GALNT9: variants seen among roughly 807,000 people sequenced by gnomAD.
GALNT9 encodes the protein polypeptide N-acetylgalactosaminyltransferase 9.
GALNT9 carries 47 observed loss-of-function variants against 63.1 expected under a neutral mutation model. The ratio of observed to expected loss-of-function variants is 0.75; its 90% CI spans 0.59 to 0.95. The LOEUF (loss-of-function observed/expected upper bound fraction) is 0.95. Ranked by LOEUF, GALNT9 falls within the 40% of genes least tolerant of loss-of-function variation. GALNT9 has a pLI of 0.00. For missense variants in GALNT9, 829 were observed against 874.8 expected (o/e 0.95, Z 0.66); for synonymous variants, 396 against 365.7 (o/e 1.08, Z -0.94).
intron 1 of GALNT9, among the ~76,000 whole-genome samples, chr12:132,321,235 G>T (rs1868779510): frequency 6.6e-6 from 1 of 151,194 alleles, no homozygotes; most frequent in Non-Finnish European, 1.5e-5. Context: ...TGGAGTCGAG[G>T]CCCCTGTCGG....
Position 132,197,938 on chromosome 12 carries a change from C to T in GALNT9, c.1519G>A (p.Gly507Arg), listed in dbSNP as rs777441142. The T allele has an allele frequency of 1.1e-5, 17 of 1,611,166 alleles. No homozygotes were observed. Among genetic ancestry groups the T allele is most frequent in the South Asian group, 5.5e-5 (5 of 90,622 alleles). The change falls in exon 10 of 11, where the codon GGA becomes AGA. Residue 507 changes from glycine (G) to arginine (R), a missense_variant. Transcript: ENST00000328957. ...CCCAGAGGCCCCAGCTGCAGCAGTC[C>T]ATCAGCGCTGTACCGCACCAGCTGG... ...SSQLVRYSAD[G>R]LLQLGPLGST...
chr12:132,201,395 A>AGGCCCCATCCGGCCCCATCC (rs61329617), intron 7 of GALNT9, 134 bp from the exon 8 acceptor site: 5 of 609,112 alleles, frequency 8.2e-6, no homozygotes, highest in Non-Finnish European at 1.5e-5. Context: ...TCAGATGCTG[A>AGGCCCCATCCGGCCCCATCC]GGCCCCATCC....
chr12:132,251,670 C>T lies in GALNT9; in HGVS notation c.960-3643G>A, dbSNP rs181787650. On this transcript the variant is annotated intron_variant, in intron 5 of 10. Transcript: ENST00000328957. ...GGGTCTCCTCCCCGCAGGCCCAGCC[C>T]CCGGCAGACAGGGCTCTGCAAGCTG... Among the ~76,000 whole-genome samples the T allele has an allele frequency of 3.6e-3, 548 of 152,250 alleles. 1 individual carries two copies. Among genetic ancestry groups the T allele is most frequent in the Admixed American group, 5.9e-3 (90 of 15,294 alleles).
At chr12:132,243,662 G>A (rs1555237734) in intron 6 of GALNT9, among the ~76,000 whole-genome samples, 3 of 151,998 alleles carry the variant, frequency 2.0e-5, no homozygotes. Flanking sequence ...TGCCTCTCAG[G>A]CTTTAACCCC....
rs899447381 is a variant in GALNT9 at position 132,196,904 on chromosome 12, C to T, written c.*203G>A. The T allele has an allele frequency of 1.1e-5, 16 of 1,398,062 alleles. No individual in the cohort carries two copies. The highest frequency in any genetic ancestry group is 1.5e-5 in the Non-Finnish European group (16 of 1,078,034). 86.6% of individuals were successfully genotyped at this position (1,398,062 alleles called of 1,614,324 possible). A position where few individuals can be genotyped will look rare whatever the true frequency, so the allele number is the denominator to read the frequency against. ...AGACGCCCTCCCTCGGGTAGAGCCG[C>T]CTGTCCTAGGAGAAGCTGTACTCCA... On this transcript the variant is annotated 3_prime_UTR_variant, in exon 11 of 11. Transcript: ENST00000328957.
intron 1 of GALNT9, among the ~76,000 whole-genome samples, chr12:132,311,181 T>G (rs1252546034): frequency 2.0e-5 from 3 of 152,240 alleles, no homozygotes; most frequent in Admixed American, 2.0e-4. Flanking sequence ...TGAGTGGGCC[T>G]GCAATTTGCT....
At chr12:132,219,996 G>A (rs144951802) in intron 6 of GALNT9, among the ~76,000 whole-genome samples, 8 of 151,028 alleles carry the variant, frequency 5.3e-5, no homozygotes, top group East Asian at 3.9e-4. Context: ...TGACTTCCAC[G>A]TCAGGAGTCA....
At chr12:132,263,828 C>T (rs1241563302) in intron 2 of GALNT9, among the ~76,000 whole-genome samples, 14 of 152,344 alleles carry the variant, frequency 9.2e-5, no homozygotes, top group Middle Eastern at 3.4e-3. Context: ...TACGCCTCCT[C>T]GGAGCAGTGG....
chr12:132,233,549 C>T (rs1404585530), intron 6 of GALNT9, among the ~76,000 whole-genome samples: 9 of 15,354 alleles, frequency 5.9e-4, no homozygotes, highest in African/African-American at 4.3e-3. Context: ...CAGTGTGGAG[C>T]CCCTAGTGCC....
intron 6 of GALNT9, among the ~76,000 whole-genome samples, chr12:132,226,150 CACATACACCCCAT>C (rs1378493558): frequency 6.8e-6 from 1 of 146,090 alleles, no homozygotes; most frequent in Non-Finnish European, 1.5e-5. Context: ...ACACACCCCA[CACATACACCCCAT>C]ACACACCATA....
chr12:132,258,817 CG>C (rs1321030365), intron 4 of GALNT9, among the ~76,000 whole-genome samples: 13 of 152,192 alleles, frequency 8.5e-5, no homozygotes, highest in Non-Finnish European at 1.3e-4. Context: ...CATGGTCTAC[CG>C]CAAGGTGAGA....
intron 7 of GALNT9, among the ~76,000 whole-genome samples, chr12:132,202,925 T>C (rs1415346278): frequency 6.6e-6 from 1 of 152,186 alleles, no homozygotes; most frequent in Non-Finnish European, 1.5e-5. Flanking sequence ...CAGCCACTCA[T>C]AGGCCAAAGC....
At chr12:132,243,538 G>C (rs2136905654) in intron 6 of GALNT9, among the ~76,000 whole-genome samples, 4 of 152,076 alleles carry the variant, frequency 2.6e-5, no homozygotes, top group Admixed American at 6.5e-5. Context: ...GGTGTTGTTG[G>C]TCCTTCCCTC....
Position 132,265,963 on chromosome 12 carries a change from C to T in GALNT9, c.420-3338G>A, listed in dbSNP as rs1879577864. Among the ~76,000 whole-genome samples, 2 of 151,402 alleles carry T rather than the reference C, an allele frequency of 1.3e-5. No homozygotes were observed. Among genetic ancestry groups the T allele is most frequent in the African/African-American group, 4.9e-5 (2 of 40,724 alleles). On this transcript the variant is annotated intron_variant, in intron 2 of 10. Transcript: ENST00000328957. The surrounding 1 kb of genome is among the most constrained non-coding windows in gnomAD (Gnocchi z 5.3). ...CTGTCTGCCTTTACACGCCCGACCT[C>T]GCCGTATTTCATGAACAGGCACGCA...
At chr12:132,207,810 C>T (rs1876785698) in intron 6 of GALNT9, among the ~76,000 whole-genome samples, 1 of 152,160 alleles carries the variant, frequency 6.6e-6, no homozygotes, top group Non-Finnish European at 1.5e-5. Flanking sequence ...TCAGCAGGGC[C>T]ATTAGCTCAG....
intron 6 of GALNT9, among the ~76,000 whole-genome samples, chr12:132,211,526 C>A (rs147338568): frequency 2.9e-4 from 44 of 152,264 alleles, no homozygotes; most frequent in Admixed American, 1.9e-3. Context: ...AGCTGCCTTT[C>A]GCGCTGGCCA....
Position 132,208,674 on chromosome 12 carries a change from C to T in GALNT9, c.1078-4984G>A, listed in dbSNP as rs369159208. On this transcript the variant is annotated intron_variant, in intron 6 of 10. Coordinates refer to ENST00000328957, the MANE Select transcript of GALNT9 (RefSeq NM_001122636.2). ...CCCCGCTCACCTGGCTGCTGACTGC[C>T]GGCATCAGCAAGGCCAGCTGAGAGC... 7.5e-4 allele frequency among the ~76,000 whole-genome samples: 114 copies of T among 152,292 alleles called. 1 individual carries two copies. The highest frequency in any genetic ancestry group is 2.9e-3 in the East Asian group (15 of 5,186).
intron 5 of GALNT9, 62 bp from the exon 6 acceptor site, chr12:132,248,089 G>A: frequency 1.3e-6 from 2 of 1,500,744 alleles, no homozygotes; most frequent in Non-Finnish European, 1.8e-6. Flanking sequence ...TGCCTGCTGG[G>A]CCATGAGCCA....
At chr12:132,302,319 C>T (rs1881328125) in intron 1 of GALNT9, among the ~76,000 whole-genome samples, 2 of 151,822 alleles carry the variant, frequency 1.3e-5, no homozygotes, top group South Asian at 2.1e-4. Context: ...AGTATTTTCA[C>T]ACTCCATATT....
Sources: allele counts gnomAD v4.1 joint callset (sites outside exome capture counted in the v4.1 genomes callset), GRCh38; gene constraint gnomAD v4.1.1; non-coding constraint Gnocchi (gnomAD v3.1); transcripts MANE v1.5; gene names NCBI Gene and HGNC (gene_info 2026-07-23, HGNC 2026-07-21).